The following SOHLH2 variants were observed in gnomAD, a reference collection of about 807,000 sequenced individuals.
SOHLH2 encodes spermatogenesis and oogenesis specific basic helix-loop-helix 2.
Under a neutral mutation model 50.4 loss-of-function variants are expected in SOHLH2, and 22 were observed. The ratio of observed to expected loss-of-function variants is 0.44; its 90% CI spans 0.31 to 0.62. The LOEUF (loss-of-function observed/expected upper bound fraction) is 0.62, where lower values mean the gene tolerates loss of function less well. Ranked by LOEUF, SOHLH2 falls within the 20% of genes least tolerant of loss-of-function variation. The pLI is 0.08. For missense variants in SOHLH2, 412 were observed against 504.4 expected, an observed-to-expected ratio of 0.82 and a Z score of 1.76; for synonymous variants, 185 against 187.3, an observed-to-expected ratio of 0.99 and a Z score of 0.10.
chr13:36,182,134 A>G, intron 6 of SOHLH2: 1 of 985,422 alleles, frequency 1.0e-6, no homozygotes, highest in Non-Finnish European at 1.2e-6. Flanking sequence ...CTTGTACTTT[A>G]TGTCCCTTTG....
rs537404225 is a variant in SOHLH2, at chr13:36,179,657, C to T, written c.642-4788G>A. On this transcript the variant is annotated intron_variant, in intron 6 of 10. Transcript: ENST00000379881. The stretch of plus-strand genomic sequence containing the variant: ...TGAACTCCTGGCCTCAAGTGATCCA[C>T]CTGCCTCAGCCTCCCAAAATGCTGG... Among the ~76,000 whole-genome samples, 5 of 152,200 alleles carry T rather than the reference C, an allele frequency of 3.3e-5. No individual in the cohort carries two copies. In the East Asian group the frequency reaches 5.8e-4, roughly 18 times the overall value.
intron 6 of SOHLH2, among the ~76,000 whole-genome samples, chr13:36,175,614 A>AC (rs1398046701): frequency 3.9e-5 from 6 of 152,138 alleles, no homozygotes; most frequent in African/African-American, 1.4e-4. Context: ...GCTGAATACT[A>AC]CCTTGACATC....
chr13:36,214,490 TCTGGCAGTGCTC>T lies in SOHLH2; in HGVS notation c.25_36del (p.Glu9_Gln12del). ...CCACAGCCTCTTACCTGGCCCGAGATCTGGCAGTGCTCCTGGCAGATAATTGAGGAAGCCATG... is the reference window on the plus strand; with the variant it reads ...CCACAGCCTCTTACCTGGCCCGAGATCTGGCAGATAATTGAGGAAGCCATG... On this transcript the variant is annotated inframe_deletion, in exon 1 of 11. Transcript: ENST00000379881. 1 of 1,612,658 alleles carries T rather than the reference TCTGGCAGTGCTC, an allele frequency of 6.2e-7. No homozygotes were observed. The highest frequency in any genetic ancestry group is 8.5e-7 in the Non-Finnish European group (1 of 1,179,474).
chr13:36,170,870 G>A (rs1886945372), intron 9 of SOHLH2, 83 bp from the exon 10 acceptor site: 11 of 1,533,706 alleles, frequency 7.2e-6, no homozygotes, highest in South Asian at 3.9e-5. Context: ...TAAACTGCCC[G>A]CTATTTCATT....
intron 6 of SOHLH2, among the ~76,000 whole-genome samples, chr13:36,176,933 A>G (rs903786922): frequency 7.9e-5 from 12 of 152,132 alleles, no homozygotes; most frequent in Admixed American, 7.9e-4. Flanking sequence ...ACAAAAATGC[A>G]CAATGAGTCC....
rs886236055 is a variant in SOHLH2 at position 36,174,637 on chromosome 13, C to T, written c.790-70G>A. 15 of 1,599,686 alleles carry T rather than the reference C, an allele frequency of 9.4e-6. No homozygotes were observed. The African/African-American group carries it at 1.8e-4, about 19-fold the overall frequency. Reference sequence around the variant, plus strand: ...CATAGATACAAAGACACATACTTTCCAATGATAAAAAATTAAAAGAAGTAA... The same window carrying T: ...CATAGATACAAAGACACATACTTTCTAATGATAAAAAATTAAAAGAAGTAA... On this transcript the variant is annotated intron_variant, in intron 7 of 10. Transcript: ENST00000379881.
intron 6 of SOHLH2, among the ~76,000 whole-genome samples, chr13:36,175,296 A>G (rs1887070123): frequency 6.6e-6 from 1 of 152,260 alleles, no homozygotes; most frequent in Non-Finnish European, 1.5e-5. Context: ...AGAAGCCTAG[A>G]AGGCAAAGAG....
At chr13:36,181,913 A>C in intron 6 of SOHLH2, 1 of 569,406 alleles carries the variant, frequency 1.8e-6, no homozygotes, top group Non-Finnish European at 2.2e-6. Context: ...TCTTTATCTT[A>C]CATGAAGATA....
At chr13:36,191,745 A>T (rs897887139) in intron 5 of SOHLH2, 50 bp downstream of exon 5, 2 of 1,608,376 alleles carry the variant, frequency 1.2e-6, no homozygotes, top group Non-Finnish European at 1.7e-6. Flanking sequence ...AGCCACAATC[A>T]ATAAGTTCTC....
intron 6 of SOHLH2, among the ~76,000 whole-genome samples, chr13:36,189,413 G>A (rs1212464327): frequency 1.3e-5 from 2 of 152,012 alleles, no homozygotes; most frequent in East Asian, 3.9e-4. Flanking sequence ...CAACCATATG[G>A]ACATACATGC....
At chr13:36,183,476 A>G (rs1259839081) in intron 6 of SOHLH2, among the ~76,000 whole-genome samples, 3 of 152,200 alleles carry the variant, frequency 2.0e-5, no homozygotes, top group Non-Finnish European at 2.9e-5. Flanking sequence ...TCAATGAAAG[A>G]GATAAAAAGA....
intron 6 of SOHLH2, among the ~76,000 whole-genome samples, chr13:36,188,106 C>T (rs1296080477): frequency 6.6e-6 from 1 of 152,190 alleles, no homozygotes. Flanking sequence ...CTCAGACTTC[C>T]AACCCATGCT....
intron 6 of SOHLH2, among the ~76,000 whole-genome samples, chr13:36,176,165 C>G (rs1887091732): frequency 6.6e-6 from 1 of 151,990 alleles, no homozygotes; most frequent in Non-Finnish European, 1.5e-5. Flanking sequence ...ATAATCCAAG[C>G]CACTAAACAA....
At chr13:36,214,346 T>C (rs1869305766) in intron 1 of SOHLH2, 133 bp downstream of exon 1, 4 of 1,117,832 alleles carry the variant, frequency 3.6e-6, no homozygotes, top group South Asian at 1.6e-5. Context: ...GGGCCCTTCC[T>C]GCTATTCGCT....
At chr13:36,173,225 C>A (rs908513380) in intron 9 of SOHLH2, among the ~76,000 whole-genome samples, 8 of 152,124 alleles carry the variant, frequency 5.3e-5, no homozygotes, top group Non-Finnish European at 1.2e-4. Context: ...AGATAGGCAA[C>A]AAACAAAACA....
chr13:36,179,827 GTGTTTT>G (rs1053740397), intron 6 of SOHLH2, among the ~76,000 whole-genome samples: 3 of 152,066 alleles, frequency 2.0e-5, no homozygotes, highest in African/African-American at 7.2e-5. Context: ...ATTATGTTAA[GTGTTTT>G]TGTTTTTATG....
At chr13:36,187,309 AATAAATGTT>A (rs150415976) in intron 6 of SOHLH2, among the ~76,000 whole-genome samples, 2,967 of 152,312 alleles carry the variant, frequency 0.019, 77 homozygotes, top group African/African-American at 0.068. Context: ...AAAAACAAGG[AATAAATGTT>A]TCCTCGCATC....
At chr13:36,177,996 C>T (rs1203573475) in intron 6 of SOHLH2, among the ~76,000 whole-genome samples, 1 of 151,912 alleles carries the variant, frequency 6.6e-6, no homozygotes, top group East Asian at 1.9e-4. Flanking sequence ...ACTCTCAGCT[C>T]ATGAAGACAT....
chr13:36,173,612 G>GGT (rs1289079952), intron 9 of SOHLH2, 80 bp downstream of exon 9: 6 of 1,529,540 alleles, frequency 3.9e-6, no homozygotes, highest in Non-Finnish European at 4.5e-6. Flanking sequence ...TGGTTATGGT[G>GGT]GTGAATGCAC....
Sources: gnomAD v4.1 joint callset for allele counts (sites outside exome capture counted in the v4.1 genomes callset) on GRCh38, gnomAD v4.1.1 for gene constraint, MANE v1.5 for transcripts, NCBI Gene and HGNC (gene_info 2026-07-23, HGNC 2026-07-21) for gene names.